NAALADL2: variants seen among roughly 807,000 people sequenced by gnomAD.
The protein encoded by NAALADL2 is N-acetylated alpha-linked acidic dipeptidase like 2.
NAALADL2 carries 76 observed loss-of-function variants against 87.2 expected under a neutral mutation model. The observed-to-expected ratio is 0.87, with a 90% CI of 0.72 to 1.05. NAALADL2 has a LOEUF of 1.05. NAALADL2 is among the 50% of genes least tolerant of loss of function. The pLI is 0.00. For synonymous variants in NAALADL2, 354 were observed against 331.0 expected (o/e 1.07, Z -0.75); for missense variants, 1,089 against 945.8 (o/e 1.15, Z -1.99).
chr3:175,709,195 A>G (rs1011229819), intron 11 of NAALADL2, among the ~76,000 whole-genome samples: 3 of 152,066 alleles, frequency 2.0e-5, no homozygotes, highest in Non-Finnish European at 2.9e-5. Context: ...ATTATATTGC[A>G]CTCATCAAAA....
At chr3:174,922,234 C>A (rs1237186039) in intron 1 of NAALADL2, among the ~76,000 whole-genome samples, 1 of 150,748 alleles carries the variant, frequency 6.6e-6, no homozygotes, top group Non-Finnish European at 1.5e-5. Flanking sequence ...TACTTGAACC[C>A]AGAAGTTCAA....
chr3:174,669,891 T>A (rs569902), intron 2 of NAALADL2, among the ~76,000 whole-genome samples: 96,384 of 151,604 alleles, frequency 0.64, 31,339 homozygotes, highest in Admixed American at 0.72. Flanking sequence ...TTTCTCTTAT[T>A]TGTGTCTTTT....
intron 9 of NAALADL2, among the ~76,000 whole-genome samples, chr3:175,530,407 C>T (rs1030457201): frequency 1.3e-5 from 2 of 152,216 alleles, no homozygotes; most frequent in African/African-American, 4.8e-5. Flanking sequence ...AGTATGTCAT[C>T]AAGCATCTGG....
At chr3:175,520,189 T>A (rs1732428834) in intron 9 of NAALADL2, among the ~76,000 whole-genome samples, 2 of 152,158 alleles carry the variant, frequency 1.3e-5, no homozygotes, top group Non-Finnish European at 2.9e-5. Flanking sequence ...ATTAATAAAC[T>A]TTATATAAAG....
intron 2 of NAALADL2, among the ~76,000 whole-genome samples, chr3:174,712,090 A>G (rs558555891): frequency 6.6e-6 from 1 of 152,080 alleles, no homozygotes; most frequent in South Asian, 2.1e-4. Flanking sequence ...CCCTGGCCTA[A>G]CATATGAATT....
At chr3:174,698,646 C>T (rs1729254149) in intron 2 of NAALADL2, among the ~76,000 whole-genome samples, 1 of 96,542 alleles carries the variant, frequency 1.0e-5, no homozygotes, top group Non-Finnish European at 1.7e-5. Flanking sequence ...GGGCAGATCA[C>T]GAGGTCAGGA....
chr3:175,312,586 G>T (rs192187938), intron 4 of NAALADL2, among the ~76,000 whole-genome samples: 1 of 152,184 alleles, frequency 6.6e-6, no homozygotes, highest in Admixed American at 6.5e-5. Flanking sequence ...GTTTGTAAAG[G>T]ATGGACGTAT....
intron 2 of NAALADL2, among the ~76,000 whole-genome samples, chr3:174,731,055 T>A (rs1420316536): frequency 6.6e-6 from 1 of 152,142 alleles, no homozygotes; most frequent in Non-Finnish European, 1.5e-5. Context: ...GTGGTGATTA[T>A]TCCTATTTTT....
intron 11 of NAALADL2, among the ~76,000 whole-genome samples, chr3:175,707,525 A>G (rs923595799): frequency 7.9e-5 from 12 of 152,064 alleles, no homozygotes; most frequent in Admixed American, 3.9e-4. Context: ...TCTCATCCAT[A>G]TTGCATAGAT....
At chr3:175,673,103 T>G (rs977035889) in intron 11 of NAALADL2, among the ~76,000 whole-genome samples, 1 of 152,196 alleles carries the variant, frequency 6.6e-6, no homozygotes, top group Admixed American at 6.5e-5. Flanking sequence ...TTTATTTCCC[T>G]TTTTATTGTC....
At chr3:175,705,816 C>A (rs77118026) in intron 11 of NAALADL2, among the ~76,000 whole-genome samples, 1,739 of 152,216 alleles carry the variant, frequency 0.011, 16 homozygotes, top group Non-Finnish European at 0.019. Context: ...AGACCCAGAT[C>A]ATCTCATTCC....
intron 4 of NAALADL2, among the ~76,000 whole-genome samples, chr3:175,263,552 T>C (rs1413999945): frequency 2.0e-5 from 3 of 152,006 alleles, no homozygotes; most frequent in Non-Finnish European, 4.4e-5. Context: ...TCATAGCAAA[T>C]GGCATCATGT....
At chr3:175,625,622 C>A (rs1726876889) in intron 10 of NAALADL2, among the ~76,000 whole-genome samples, 1 of 151,916 alleles carries the variant, frequency 6.6e-6, no homozygotes, top group African/African-American at 2.4e-5. Flanking sequence ...CACACAGAAT[C>A]TTGGGATATT....
chr3:175,541,420 C>A (rs1476504341), intron 9 of NAALADL2, among the ~76,000 whole-genome samples: 1 of 152,078 alleles, frequency 6.6e-6, no homozygotes, highest in Non-Finnish European at 1.5e-5. Context: ...AACACATTAG[C>A]CTCCAATTAG....
At chr3:174,855,089 T>C (rs1258510932), upstream of NAALADL2, among the ~76,000 whole-genome samples, 1 of 152,138 alleles carries the variant, frequency 6.6e-6, no homozygotes, top group Non-Finnish European at 1.5e-5. Flanking sequence ...TCCGCCCGCC[T>C]TGGCCTCCCA....
At chr3:175,637,889 A>T (rs1207160843) in intron 11 of NAALADL2, among the ~76,000 whole-genome samples, 2 of 152,318 alleles carry the variant, frequency 1.3e-5, no homozygotes, top group East Asian at 3.9e-4. Flanking sequence ...TGGAATTGAA[A>T]TATCAGAGAT....
At chr3:175,579,963 T>C (rs146218149) in intron 10 of NAALADL2, among the ~76,000 whole-genome samples, 68 of 152,302 alleles carry the variant, frequency 4.5e-4, no homozygotes, top group African/African-American at 1.4e-3. Flanking sequence ...TTTAACCTTA[T>C]ACTTTTCGCT....
chr3:174,948,824 CACTT>C (rs1213480518), intron 1 of NAALADL2, among the ~76,000 whole-genome samples: 2 of 152,140 alleles, frequency 1.3e-5, no homozygotes, highest in Non-Finnish European at 1.5e-5. Context: ...TCAGTTGAAA[CACTT>C]ACTGTCTTAG....
intron 1 of NAALADL2, among the ~76,000 whole-genome samples, chr3:175,024,349 A>G (rs556887338): frequency 1.3e-5 from 2 of 152,210 alleles, no homozygotes; most frequent in African/African-American, 4.8e-5. Flanking sequence ...AAAAGCAACA[A>G]CAACAGCAAG....
Sources: gnomAD v4.1 joint callset for allele counts (sites outside exome capture counted in the v4.1 genomes callset) on GRCh38, gnomAD v4.1.1 for gene constraint, MANE v1.5 for transcripts, NCBI Gene and HGNC (gene_info 2026-07-23, HGNC 2026-07-21) for gene names.